CD53: variants seen among roughly 807,000 people sequenced by gnomAD.
The protein encoded by CD53 is leukocyte surface antigen CD53.
Under a neutral mutation model 27.3 loss-of-function variants are expected in CD53, and 20 were observed. The observed-to-expected ratio is 0.73, with a 90% CI of 0.52 to 1.07. CD53 has a LOEUF of 1.07. Among genes scored for constraint, CD53 ranks in the 50% least tolerant of loss-of-function variants. CD53 has a pLI of 0.00. For missense variants in CD53, 216 were observed against 264.0 expected (o/e 0.82, Z 1.26); for synonymous variants, 106 against 105.3 (o/e 1.01, Z -0.04).
rs1400895040 is a variant in CD53 at position 110,894,310 on chromosome 1, T to A, written c.253-17T>A. The A allele has an allele frequency of 6.2e-7, 1 of 1,612,190 alleles. No homozygotes were observed. The highest frequency in any genetic ancestry group is 8.5e-7 in the Non-Finnish European group (1 of 1,178,254). ...AATGGGGATCAGTGCTGTGAGAATG[T>A]ATCTGCTTTGTCCCAGTTCTTCATC... On this transcript the variant is annotated splice_polypyrimidine_tract_variant and intron_variant, in intron 3 of 7. Coordinates refer to ENST00000271324, the MANE Select transcript of CD53 (RefSeq NM_000560.4).
intron 3 of CD53, among the ~76,000 whole-genome samples, chr1:110,893,371 G>A (rs915240328): frequency 6.6e-6 from 1 of 152,184 alleles, no homozygotes; most frequent in Non-Finnish European, 1.5e-5. Context: ...TGCCCAGGCT[G>A]GAGTGCAATG....
intron 5 of CD53, among the ~76,000 whole-genome samples, chr1:110,896,139 C>A (rs1016776036): frequency 6.6e-6 from 1 of 152,130 alleles, no homozygotes; most frequent in South Asian, 2.1e-4. Flanking sequence ...GCTATTTGTC[C>A]TTTAGACTTC....
chr1:110,873,659 G>T (rs2101033470), intron 1 of CD53, among the ~76,000 whole-genome samples: 1 of 152,302 alleles, frequency 6.6e-6, no homozygotes, highest in South Asian at 2.1e-4. Context: ...GCTGTCTTTA[G>T]AAAGACAGCT....
intron 1 of CD53, among the ~76,000 whole-genome samples, chr1:110,885,341 G>C (rs1454496454): frequency 6.6e-6 from 1 of 151,908 alleles, no homozygotes; most frequent in African/African-American, 2.4e-5. Flanking sequence ...ACAAGGTCAG[G>C]AGATCGAGAC....
intron 1 of CD53, among the ~76,000 whole-genome samples, chr1:110,890,256 AT>A (rs1181126210): frequency 1.3e-5 from 2 of 152,188 alleles, no homozygotes; most frequent in Non-Finnish European, 2.9e-5. Flanking sequence ...ATAGAATATC[AT>A]TACCTCTGAC....
chr1:110,875,023 T>C (rs941355912), intron 1 of CD53, among the ~76,000 whole-genome samples: 8 of 152,232 alleles, frequency 5.3e-5, no homozygotes, highest in African/African-American at 1.9e-4. Context: ...TGCAATGTGC[T>C]CTTTTCTATA....
At position 110,884,695 on chromosome 1, in the gene CD53, ATCT is replaced by A. The variant is rs1656498730; in HGVS notation, c.-17-6692_-17-6690del. 3.3e-5 allele frequency among the ~76,000 whole-genome samples: 5 copies of A among 152,182 alleles called. No homozygotes were observed. In the South Asian group the frequency reaches 1.0e-3, roughly 32 times the overall value. Reference sequence around the variant, plus strand: ...GCTCAATCAGTCCCTTTATAAAGTAATCTTCTTTATCCTTGATAATTTTTTCTG... The same window carrying A: ...GCTCAATCAGTCCCTTTATAAAGTAATCTTTATCCTTGATAATTTTTTCTG... On this transcript the variant is annotated intron_variant, in intron 1 of 7. Transcript: ENST00000271324.
intron 1 of CD53, among the ~76,000 whole-genome samples, chr1:110,882,277 G>A (rs1656386375): frequency 6.6e-6 from 1 of 152,004 alleles, no homozygotes; most frequent in South Asian, 2.1e-4. Context: ...TATGGAGAGA[G>A]GTATAAATGC....
In CD53 at chr1:110,896,729, T is replaced by C. The variant is rs1657081097; in HGVS notation, c.500T>C (p.Val167Ala). 6.2e-7 allele frequency: 1 copy of C among 1,612,476 alleles called. No homozygotes were observed. The highest frequency in any genetic ancestry group is 8.5e-7 in the Non-Finnish European group (1 of 1,179,376). Residue 167 changes from valine to alanine, a missense_variant, in exon 6 of 8, where the codon GTG (valine) becomes GCG (alanine). By Grantham distance (64) the Val-to-Ala change is moderately conservative. Transcript: ENST00000271324. ...PPASCPSDRK[V>A]EGCYAKARLW... ...GCATCTTGCCCCTCAGATCGAAAAG[T>C]GGAGGTAATTTTGTCGGCAATGTTT...
intron 2 of CD53, among the ~76,000 whole-genome samples, chr1:110,891,729 G>T (rs2070747): frequency 7.6e-4 from 115 of 152,168 alleles, no homozygotes; most frequent in African/African-American, 2.7e-3. Flanking sequence ...ACTACTACTC[G>T]TAGCTAACAT....
In CD53 at chr1:110,894,360, G is replaced by A. The variant is rs984785791; in HGVS notation, c.286G>A (p.Glu96Lys). 1 of 1,614,014 alleles carries A rather than the reference G, an allele frequency of 6.2e-7. No homozygotes were observed. The highest frequency in any genetic ancestry group is 8.5e-7 in the Non-Finnish European group (1 of 1,179,990). The change falls in exon 4 of 8, where the codon GAG becomes AAG. Residue 96 changes from glutamate (E) to lysine (K), a missense_variant. Coordinates refer to ENST00000271324, the MANE Select transcript of CD53 (RefSeq NM_000560.4). ...CCTGCTGCTGATTATCCTCCTTGCT[G>A]AGGTGACCTTGGCCATCCTGCTCTT... ...FILLLIILLA[E>K]VTLAILLFVY...
At chr1:110,876,930 G>A (rs1182325670) in intron 1 of CD53, among the ~76,000 whole-genome samples, 36 of 152,074 alleles carry the variant, frequency 2.4e-4, no homozygotes, top group Non-Finnish European at 1.5e-5. Flanking sequence ...TTTGATTGAT[G>A]CCCTTTCCCC....
At chr1:110,886,867 A>AT (rs1275613699) in intron 1 of CD53, among the ~76,000 whole-genome samples, 18 of 41,370 alleles carry the variant, frequency 4.4e-4, no homozygotes, top group African/African-American at 1.0e-3. Flanking sequence ...ATATATATAT[A>AT]TATTTTTTTT....
At chr1:110,894,554 G>GA (rs5777031) in intron 4 of CD53, among the ~76,000 whole-genome samples, 153 bp downstream of exon 4, 97,365 of 151,856 alleles carry the variant, frequency 0.64, 33,244 homozygotes, top group Non-Finnish European at 0.77. Flanking sequence ...TAATTGGGGG[G>GA]AAAATTTGTA....
chr1:110,891,546 G>GGAATGA, intron 2 of CD53, 75 bp downstream of exon 2: 6 of 1,115,854 alleles, frequency 5.4e-6, no homozygotes, highest in Non-Finnish European at 8.2e-6. Flanking sequence ...CTACTGAAGA[G>GGAATGA]GCTGGTGTGG....
intron 1 of CD53, among the ~76,000 whole-genome samples, chr1:110,877,816 T>C (rs973716628): frequency 6.6e-6 from 1 of 152,174 alleles, no homozygotes; most frequent in Non-Finnish European, 1.5e-5. Context: ...TTCGTTTTAT[T>C]TTACCCCTAC....
At chr1:110,899,009 G>GA in intron 7 of CD53, 115 bp from the exon 8 acceptor site, 1 of 709,406 alleles carries the variant, frequency 1.4e-6, no homozygotes, top group Non-Finnish European at 2.4e-6. Context: ...GTAATGGTTG[G>GA]AAGGGTGGTT....
intron 6 of CD53, 50 bp downstream of exon 6, chr1:110,896,783 T>G (rs1461796079): frequency 6.6e-7 from 1 of 1,508,870 alleles, no homozygotes; most frequent in Non-Finnish European, 9.2e-7. Context: ...TTTAAATGTT[T>G]AATTACCTCG....
At chr1:110,874,876 G>T (rs543340672) in intron 1 of CD53, among the ~76,000 whole-genome samples, 1 of 152,282 alleles carries the variant, frequency 6.6e-6, no homozygotes, top group African/African-American at 2.4e-5. Flanking sequence ...TCGGACTCTG[G>T]TTCTCCTTTC....
Sources: allele counts gnomAD v4.1 joint callset (sites outside exome capture counted in the v4.1 genomes callset), GRCh38; gene constraint gnomAD v4.1.1; transcripts MANE v1.5; gene names NCBI Gene and HGNC (gene_info 2026-07-23, HGNC 2026-07-21).